Variants in CCDC120 observed in about 807,000 individuals in gnomAD.
The protein encoded by CCDC120 is coiled-coil domain-containing protein 120.
A neutral mutation model predicts 37.6 loss-of-function variants in CCDC120; 16 were observed. The ratio of observed to expected loss-of-function variants is 0.43; its 90% confidence interval spans 0.29 to 0.65. The LOEUF (loss-of-function observed/expected upper bound fraction) is 0.65, where lower values mean the gene tolerates loss of function less well. Ranked by LOEUF, CCDC120 falls within the 30% of genes least tolerant of loss-of-function variation. The pLI, the probability that CCDC120 is intolerant of heterozygous loss-of-function variation, is 0.18. For missense variants in CCDC120, 650 were observed against 657.4 expected, an observed-to-expected ratio of 0.99 and a Z score of 0.12; for synonymous variants, 309 against 275.4, an observed-to-expected ratio of 1.12 and a Z score of -1.21.
At chrX:49,064,794 T>G (rs781863907) in intron 6 of CCDC120, 130 bp downstream of exon 6, 284 of 810,380 alleles carry the variant, frequency 3.5e-4, no homozygotes, top group Non-Finnish European at 4.6e-4. Flanking sequence ...TGAGAAGAGT[T>G]GTGACAAACT....
At chrX:49,068,470 C>G in intron 10 of CCDC120, 74 bp from the exon 11 acceptor site, 7 of 1,046,133 alleles carry the variant, frequency 6.7e-6, no homozygotes, top group Non-Finnish European at 8.6e-6. Flanking sequence ...CTTTCTTTTT[C>G]TGTGTCTTGT....
chrX:49,058,353 T>G (rs2064845737), upstream of CCDC120, among the ~76,000 whole-genome samples: 1 of 112,825 alleles, frequency 8.9e-6, no homozygotes. Flanking sequence ...TGTCCCCAAC[T>G]TGGGAAACTA....
intron 9 of CCDC120, chrX:49,066,491 T>C (rs1364364785): frequency 8.9e-6 from 1 of 112,227 alleles, no homozygotes; most frequent in East Asian, 2.8e-4. Flanking sequence ...GCTATTGTTA[T>C]TCCCATTTTA....
chrX:49,064,862 G>A (rs1557080671), intron 6 of CCDC120, among the ~76,000 whole-genome samples, 174 bp from the exon 7 acceptor site: 1 of 112,322 alleles, frequency 8.9e-6, no homozygotes, highest in East Asian at 2.8e-4. Context: ...GGACAGTCAG[G>A]AACCAAACTG....
Position 49,067,638 on chromosome X carries a change from A to T in CCDC120, c.1524A>T (p.Gly508=). 8.4e-7 allele frequency: 1 copy of T among 1,194,105 alleles called. No homozygotes were observed. The highest frequency in any genetic ancestry group is 1.1e-6 in the Non-Finnish European group (1 of 885,622). ...TGCCGCCTGCAGCTGAGGTCCCAGG[A>T]CCCCTCTCCCGCCGGGATGGGCTCC... The part of the protein sequence containing the change: ...GELPPAAEVP[G]PLSRRDGLLT... Residue 508 remains glycine (G), a synonymous_variant, in exon 10 of 11, where the codon GGA becomes GGT. Coordinates refer to ENST00000603986, the MANE Select transcript of CCDC120 (RefSeq NM_001163321.4).
At chrX:49,060,970 TA>T (rs1399599753) in intron 1 of CCDC120, among the ~76,000 whole-genome samples, 1 of 111,236 alleles carries the variant, frequency 9.0e-6, no homozygotes, top group Non-Finnish European at 1.9e-5. Flanking sequence ...TGTGGCCCCA[TA>T]AAGCCCTCCC....
Position 49,068,695 on chromosome X carries a change from T to A in CCDC120, c.*37T>A. The A allele has an allele frequency of 1.9e-6, 2 of 1,069,397 alleles. No individual in the cohort carries two copies. The highest frequency in any genetic ancestry group is 2.4e-6 in the Non-Finnish European group (2 of 821,711). The allele number at this position is 1,069,397 out of a possible 1,213,427, so 88.1% of individuals were successfully genotyped here. A position where few individuals can be genotyped will look rare whatever the true frequency, so the allele number is the denominator to read the frequency against. On this transcript the variant is annotated 3_prime_UTR_variant, in exon 11 of 11. Coordinates refer to ENST00000603986, the MANE Select transcript of CCDC120 (RefSeq NM_001163321.4). ...ATGTCCCTTGTTGGCCTGGGCACGA[T>A]TCCAATCTGGGGAGCACACAGCTGA...
In CCDC120 at chrX:49,066,960, C is replaced by A. The variant is rs782355042; in HGVS notation, c.1062-216C>A. ...GGAGCTAACAGTGCCAGGCCTCCCC[C>A]ACGCATTTCTACCCCTGACCGCCTA... On this transcript the variant is annotated intron_variant, in intron 9 of 10. Transcript: ENST00000603986. 8.6e-5 allele frequency: 36 copies of A among 417,207 alleles called. No homozygotes were observed. The South Asian group carries it at 1.4e-3, about 16-fold the overall frequency. The allele number at this position is 417,207 out of a possible 1,213,427, so 34.4% of individuals were successfully genotyped here.
At chrX:49,064,282 T>TG in intron 5 of CCDC120, 88 bp from the exon 6 acceptor site, 9 of 987,786 alleles carry the variant, frequency 9.1e-6, no homozygotes, top group Non-Finnish European at 1.2e-5. Context: ...CTGAATAGGC[T>TG]GCAGGAAGTG....
chrX:49,062,296 T>G lies in CCDC120; in HGVS notation c.125T>G (p.Leu42Arg), dbSNP rs375211850. The change falls in exon 3 of 11, where the codon CTG (leucine) becomes CGG (arginine). Residue 42 changes from leucine (L) to arginine (R), a missense_variant. By Grantham distance (102) the Leu-to-Arg change is moderately radical. This residue lies in a region of CCDC120 where 64 missense variants were observed against 65.2 expected (regional missense o/e 0.98). Transcript: ENST00000603986. ...ACCAAGATGGAAGTCAAAGGTCAGC[T>G]GATCAGCTCTCCTACCTTCAATGCC... is the stretch of plus-strand genomic sequence containing the variant. ...DSTKMEVKGQLISSPTFNAPA... is the reference protein window; with the variant it reads ...DSTKMEVKGQRISSPTFNAPA... 8.6e-5 allele frequency: 104 copies of G among 1,208,471 alleles called. No homozygotes were observed. The highest frequency in any genetic ancestry group is 1.2e-4 in the Non-Finnish European group (103 of 894,295).
chrX:49,056,584 CCACTG>C (rs1163010283), upstream of CCDC120, among the ~76,000 whole-genome samples: 2 of 91,346 alleles, frequency 2.2e-5, no homozygotes, highest in Non-Finnish European at 4.1e-5. Flanking sequence ...CGAGATCATG[CCACTG>C]CACTCCAGCC....
Position 49,067,178 on chromosome X carries a change from C to T in CCDC120, c.1064C>T (p.Pro355Leu), listed in dbSNP as rs1557081426. ...TRGAGPQLCK[P>L]EGLHSRQWSG... ...ATGACCCTCGCCTCTCACCCCAGAC[C>T]TGAAGGCCTTCATTCTCGTCAGTGG... Residue 355 changes from proline to leucine, a missense_variant and splice_region_variant, in exon 10 of 11, where the codon CCT becomes CTT. Around this residue, in one of 3 missense-constraint regions of CCDC120, gnomAD observed 576 missense variants for 565.3 expected, o/e 1.02. Coordinates refer to ENST00000603986, the MANE Select transcript of CCDC120 (RefSeq NM_001163321.4). 1.7e-6 allele frequency: 2 copies of T among 1,207,373 alleles called. No individual in the cohort carries two copies. Among genetic ancestry groups the T allele is most frequent in the Non-Finnish European group, 2.2e-6 (2 of 893,471 alleles).
chrX:49,068,099 G>T lies in CCDC120; in HGVS notation c.1976+9G>T. Reference sequence around the variant, plus strand: ...CCCCCTGTCTCTGGCAGGTATGGGGGGTGCTTTTACTGATGGGTAGGGGTC... The same window carrying T: ...CCCCCTGTCTCTGGCAGGTATGGGGTGTGCTTTTACTGATGGGTAGGGGTC... On this transcript the variant is annotated intron_variant, in intron 10 of 10. Coordinates refer to ENST00000603986, the MANE Select transcript of CCDC120 (RefSeq NM_001163321.4). The T allele has an allele frequency of 8.6e-7, 1 of 1,162,768 alleles. No homozygotes were observed. The highest frequency in any genetic ancestry group is 1.1e-6 in the Non-Finnish European group (1 of 870,933).
At chrX:49,063,812 C>T (rs782003515) in intron 4 of CCDC120, 49 bp from the exon 5 acceptor site, 12 of 1,150,930 alleles carry the variant, frequency 1.0e-5, no homozygotes, top group Non-Finnish European at 1.4e-5. Flanking sequence ...TGCTTCACCC[C>T]ATCCTTCCAA....
chrX:49,062,403 C>T, intron 3 of CCDC120, 65 bp from the exon 4 acceptor site: 1 of 1,210,575 alleles, frequency 8.3e-7, no homozygotes, highest in Non-Finnish European at 1.1e-6. Flanking sequence ...GAGTTGGTCC[C>T]TTGCCCCACA....
rs1291357889 is a variant in CCDC120 at position 49,069,622 on chromosome X, C to T, written c.*964C>T. 8.9e-6 allele frequency: 1 copy of T among 112,446 alleles called. No individual in the cohort carries two copies. Among genetic ancestry groups the T allele is most frequent in the African/African-American group, 3.2e-5 (1 of 30,898 alleles). 9.3% of individuals were successfully genotyped at this position (112,446 alleles called of 1,213,427 possible). On this transcript the variant is annotated 3_prime_UTR_variant, in exon 11 of 11. Transcript: ENST00000603986. ...CCTCGTGATCTGCCCGCCTTGGCCT[C>T]CCAAAGTGCTGGGATTACAGCCGTG...
upstream of CCDC120, among the ~76,000 whole-genome samples, chrX:49,056,874 T>C (rs2064834603): frequency 8.9e-6 from 1 of 111,852 alleles, no homozygotes; most frequent in African/African-American, 3.2e-5. Flanking sequence ...GGCACTGTTC[T>C]GCACAAGCTT....
At chrX:49,065,316 TGTC>T (rs2064940083) in intron 7 of CCDC120, 135 bp from the exon 8 acceptor site, 8 of 766,371 alleles carry the variant, frequency 1.0e-5, no homozygotes, top group Non-Finnish European at 1.5e-5. Context: ...AGAACCTACT[TGTC>T]AGCCTTAGTT....
upstream of CCDC120, among the ~76,000 whole-genome samples, chrX:49,054,518 C>T (rs1266951852): frequency 9.0e-6 from 1 of 110,820 alleles, no homozygotes; most frequent in African/African-American, 3.3e-5. Context: ...CTTTTCTTGT[C>T]CCATCACCAT....
Sources: allele counts gnomAD v4.1 joint callset (sites outside exome capture counted in the v4.1 genomes callset), GRCh38; gene constraint gnomAD v4.1.1; regional missense constraint gnomAD v4.1.1; transcripts MANE v1.5; gene names NCBI Gene and HGNC (gene_info 2026-07-23, HGNC 2026-07-21).